ARID5B: variants seen among roughly 807,000 people sequenced by gnomAD.
The protein encoded by ARID5B is AT-rich interaction domain 5B, also known as AT-rich interactive domain-containing protein 5B.
A neutral mutation model predicts 97.2 loss-of-function variants in ARID5B; 13 were observed. The observed-to-expected ratio is 0.13, with a 90% CI of 0.09 to 0.21. The LOEUF is 0.21. ARID5B is among the 10% of genes least tolerant of loss of function. The pLI, the probability that ARID5B is intolerant of heterozygous loss-of-function variation, is 1.00. For missense variants in ARID5B, 1,210 were observed against 1,465.3 expected (o/e 0.83, Z 2.84); for synonymous variants, 556 against 570.3 (o/e 0.97, Z 0.36).
At chr10:62,037,139 A>G (rs1839576005) in intron 4 of ARID5B, among the ~76,000 whole-genome samples, 1 of 152,224 alleles carries the variant, frequency 6.6e-6, no homozygotes. Flanking sequence ...TAAGCCCCAG[A>G]ATATTAGTAG....
intron 2 of ARID5B, among the ~76,000 whole-genome samples, chr10:61,935,619 G>A (rs1324052528): frequency 6.6e-6 from 1 of 151,820 alleles, no homozygotes; most frequent in African/African-American, 2.4e-5. Flanking sequence ...TGAGGGTGAG[G>A]GACTAGTCTG....
At chr10:62,008,696 C>T (rs1839178292) in intron 4 of ARID5B, among the ~76,000 whole-genome samples, 1 of 152,250 alleles carries the variant, frequency 6.6e-6, no homozygotes, top group Non-Finnish European at 1.5e-5. Flanking sequence ...GGCCATTTCT[C>T]TGCTCAGACC....
chr10:62,072,482 G>A (rs931903883), intron 8 of ARID5B, among the ~76,000 whole-genome samples: 4 of 152,216 alleles, frequency 2.6e-5, no homozygotes, highest in Non-Finnish European at 1.5e-5. Context: ...GCAGAGTACA[G>A]AAGGGTGGAT....
intron 3 of ARID5B, among the ~76,000 whole-genome samples, chr10:61,952,996 T>A (rs1838343469): frequency 6.6e-6 from 1 of 151,718 alleles, no homozygotes; most frequent in Admixed American, 6.6e-5. Flanking sequence ...TGTTCCACCT[T>A]ACCTTTTTTT....
intron 2 of ARID5B, among the ~76,000 whole-genome samples, chr10:61,926,055 T>C (rs1033060325): frequency 6.6e-6 from 1 of 152,218 alleles, no homozygotes; most frequent in Non-Finnish European, 1.5e-5. Flanking sequence ...AGAGCCTCCG[T>C]GGCAAATCAT....
intron 4 of ARID5B, among the ~76,000 whole-genome samples, chr10:62,020,405 G>C (rs1278090468): frequency 6.6e-6 from 1 of 152,116 alleles, no homozygotes; most frequent in African/African-American, 2.4e-5. Flanking sequence ...AATGATCAAA[G>C]AGTCTGTTTG....
chr10:62,039,814 C>T (rs1184062135), intron 4 of ARID5B, among the ~76,000 whole-genome samples: 4 of 152,232 alleles, frequency 2.6e-5, no homozygotes, highest in African/African-American at 9.7e-5. Flanking sequence ...AATGAATAAT[C>T]TCATATTTTG....
In ARID5B at chr10:62,085,847, C is replaced by A. The variant is rs370282102; in HGVS notation, c.1345C>A (p.Pro449Thr). Residue 449 changes from proline (P) to threonine (T), a missense_variant, in exon 9 of 10, where the codon CCT becomes ACT. Transcript: ENST00000279873. The part of the protein sequence containing the change: ...SGTKRIKHEI[P>T]KSKKEKENAP... ...AACCAAACGCATCAAACATGAAATA[C>A]CTAAAAGCAAGAAAGAAAAAGAAAA... 1.9e-6 allele frequency: 3 copies of A among 1,613,712 alleles called. No individual in the cohort carries two copies. In the South Asian group the frequency reaches 3.3e-5, roughly 18 times the overall value.
chr10:62,091,060 G>T lies in ARID5B; in HGVS notation c.1597G>T (p.Ala533Ser), dbSNP rs1191829426. Residue 533 changes from alanine (A) to serine (S), a missense_variant, in exon 10 of 10, where the codon GCG (alanine) becomes TCG (serine). By Grantham distance (99) the Ala-to-Ser change is moderately conservative. Around this residue, in one of 8 missense-constraint regions of ARID5B, gnomAD observed 800 missense variants for 839.1 expected, o/e 0.95. Coordinates refer to ENST00000279873, the MANE Select transcript of ARID5B (RefSeq NM_032199.3). ...CAACAGTGAGAAGGTGGCAGAGGAG[G>T]CGGGAGAGAAGGGGCCCACACCTCC... ...GSNSEKVAEE[A>S]GEKGPTPPLP... is the part of the protein sequence containing the mutation. 1 of 1,614,012 alleles carries T rather than the reference G, an allele frequency of 6.2e-7. No individual in the cohort carries two copies. Among genetic ancestry groups the T allele is most frequent in the Non-Finnish European group, 8.5e-7 (1 of 1,179,982 alleles).
At chr10:62,029,061 C>T (rs1839460646) in intron 4 of ARID5B, among the ~76,000 whole-genome samples, 1 of 152,098 alleles carries the variant, frequency 6.6e-6, no homozygotes, top group Admixed American at 6.5e-5. Context: ...GGGAGATCTG[C>T]TCGCCTCCAT....
intron 4 of ARID5B, among the ~76,000 whole-genome samples, chr10:62,007,060 C>T (rs148364558): frequency 1.6e-3 from 238 of 152,254 alleles, no homozygotes; most frequent in Non-Finnish European, 2.5e-3. Flanking sequence ...GTGAAACTGA[C>T]ATTTTTATCA....
chr10:62,076,561 CAAAAA>C (rs11363274), intron 8 of ARID5B, among the ~76,000 whole-genome samples: 2 of 92,654 alleles, frequency 2.2e-5, no homozygotes, highest in African/African-American at 7.6e-5. Context: ...GACTCTGTCT[CAAAAA>C]AAAAAAAAAA....
At chr10:62,043,179 A>G (rs1275301962) in intron 4 of ARID5B, among the ~76,000 whole-genome samples, 2 of 152,156 alleles carry the variant, frequency 1.3e-5, no homozygotes, top group African/African-American at 4.8e-5. Context: ...AGAGTTGGAA[A>G]GGTCTGGCAT....
At chr10:62,023,710 A>C (rs1245323273) in intron 4 of ARID5B, among the ~76,000 whole-genome samples, 2 of 152,238 alleles carry the variant, frequency 1.3e-5, no homozygotes, top group Non-Finnish European at 2.9e-5. Context: ...TTAATCAAGC[A>C]AAAGGAAGCC....
At chr10:62,017,114 A>G (rs993650063) in intron 4 of ARID5B, among the ~76,000 whole-genome samples, 1 of 152,224 alleles carries the variant, frequency 6.6e-6, no homozygotes, top group African/African-American at 2.4e-5. Context: ...TGTGCCTCGT[A>G]TGTGTACACA....
rs1218083945 is a variant in ARID5B at position 62,091,601 on chromosome 10, C to T, written c.2138C>T (p.Pro713Leu). The change falls in exon 10 of 10, where the codon CCA (proline) becomes CTA (leucine). Residue 713 changes from proline to leucine, a missense_variant. This residue lies in a region of ARID5B where 800 missense variants were observed against 839.1 expected (regional missense o/e 0.95). Coordinates refer to ENST00000279873, the MANE Select transcript of ARID5B (RefSeq NM_032199.3). ...SLSSSYPYGSPPPLISKKKLI... is the reference protein window; with the variant it reads ...SLSSSYPYGSLPPLISKKKLI... ...TCCAGCAGCTACCCTTATGGCTCCC[C>T]ACCCCCTTTGATCAGCAAAAAGAAA... The T allele has an allele frequency of 6.2e-7, 1 of 1,613,346 alleles. No individual in the cohort carries two copies. The highest frequency in any genetic ancestry group is 1.3e-5 in the African/African-American group (1 of 75,022).
chr10:62,028,022 G>C (rs994324774), intron 4 of ARID5B, among the ~76,000 whole-genome samples: 4 of 152,160 alleles, frequency 2.6e-5, no homozygotes, highest in Admixed American at 6.5e-5. Flanking sequence ...CTTATCCTAG[G>C]TAGCCAGTGA....
chr10:62,088,079 C>A (rs1840316723), intron 9 of ARID5B, among the ~76,000 whole-genome samples: 1 of 152,088 alleles, frequency 6.6e-6, no homozygotes, highest in Non-Finnish European at 1.5e-5. Flanking sequence ...GTTGGTCAGG[C>A]TGGTCTTGAA....
intron 4 of ARID5B, among the ~76,000 whole-genome samples, chr10:62,038,980 A>T (rs1310644144): frequency 6.6e-6 from 1 of 152,254 alleles, no homozygotes; most frequent in Non-Finnish European, 1.5e-5. Context: ...AACAGCGAAT[A>T]ATGATCCAAA....
Sources: gnomAD v4.1 joint callset for allele counts (sites outside exome capture counted in the v4.1 genomes callset) on GRCh38, gnomAD v4.1.1 for gene constraint, gnomAD v4.1.1 regional missense constraint, MANE v1.5 for transcripts, NCBI Gene and HGNC (gene_info 2026-07-23, HGNC 2026-07-21) for gene names.